Variants in ADCK5 observed in about 807,000 individuals in gnomAD.
ADCK5 encodes the protein aarF domain containing kinase 5.
In ADCK5, 43 loss-of-function variants were observed where a neutral mutation model predicts 64.9. The observed-to-expected ratio is 0.66, with a 90% CI of 0.52 to 0.85. The LOEUF is 0.85. ADCK5 is among the 40% of genes least tolerant of loss of function. The pLI is 0.00. For synonymous variants in ADCK5, 434 were observed against 342.8 expected (o/e 1.27, Z -2.94); for missense variants, 760 against 810.5 (o/e 0.94, Z 0.76).
Position 144,391,623 on chromosome 8 carries a change from AG to A in ADCK5, c.845del (p.Gly282AlafsTer58). On this transcript the variant is annotated frameshift_variant, in exon 8 of 15. Transcript: ENST00000308860. LOFTEE classifies it high-confidence loss of function. ...GCCCAGGAGCTGGACTTCGAGAATG[AG>A]GGCCGCAACGCAGAGCGCTGTGCGC... ...TLAQELDFEN[E>X]GRNAERCARE... is the part of the protein sequence containing the mutation. 6.4e-7 allele frequency: 1 copy of A among 1,566,068 alleles called. No individual in the cohort carries two copies. The highest frequency in any genetic ancestry group is 8.6e-7 in the Non-Finnish European group (1 of 1,160,584).
chr8:144,391,760 G>C, intron 8 of ADCK5, 23 bp from the exon 9 acceptor site: 1 of 1,540,416 alleles, frequency 6.5e-7, no homozygotes, highest in Non-Finnish European at 8.7e-7. Flanking sequence ...GGCCTGCTGA[G>C]CCCAGCCTCT....
At chr8:144,386,650 G>A (rs549468092) in intron 3 of ADCK5, among the ~76,000 whole-genome samples, 22 of 152,312 alleles carry the variant, frequency 1.4e-4, no homozygotes, top group African/African-American at 4.1e-4. Flanking sequence ...GAGCCACCAC[G>A]CAGGCCATGC....
In ADCK5 at chr8:144,384,761, G is replaced by A. The variant is rs1397447233; in HGVS notation, c.266+1531G>A. Among the ~76,000 whole-genome samples, 2 of 152,194 alleles carry A rather than the reference G, an allele frequency of 1.3e-5. No homozygotes were observed. Among genetic ancestry groups the A allele is most frequent in the Non-Finnish European group, 2.9e-5 (2 of 68,040 alleles). On this transcript the variant is annotated intron_variant, in intron 3 of 14. Coordinates refer to ENST00000308860, the MANE Select transcript of ADCK5 (RefSeq NM_174922.5). The surrounding 1 kb of genome is among the most constrained non-coding windows in gnomAD (Gnocchi z 5.7). Reference sequence around the variant, plus strand: ...TCTGGTGTCCACCTCCTCGGCCACCGGCTTGGTGAGCCTGCGTTTTGGGCT... The same window carrying A: ...TCTGGTGTCCACCTCCTCGGCCACCAGCTTGGTGAGCCTGCGTTTTGGGCT...
chr8:144,382,438 C>T (rs1819718100), intron 2 of ADCK5, among the ~76,000 whole-genome samples: 1 of 152,204 alleles, frequency 6.6e-6, no homozygotes, highest in South Asian at 2.1e-4. Context: ...CTGTATTTGG[C>T]AAGTATTGGA....
intron 1 of ADCK5, among the ~76,000 whole-genome samples, chr8:144,379,126 T>C (rs1388625580): frequency 2.0e-5 from 3 of 151,636 alleles, no homozygotes; most frequent in African/African-American, 7.3e-5. Flanking sequence ...AGAGACGGGG[T>C]TTCACCATGT....
chr8:144,383,092 C>T lies in ADCK5; in HGVS notation c.128C>T (p.Pro43Leu), dbSNP rs1819750964. The T allele has an allele frequency of 1.9e-6, 3 of 1,588,118 alleles. No individual in the cohort carries two copies. Among genetic ancestry groups the T allele is most frequent in the Non-Finnish European group, 2.6e-6 (3 of 1,167,432 alleles). ...VRGLPPRFSS[P>L]TPLWRKVLST... is the part of the protein sequence containing the mutation. ...TTGTCTCTCCTCAGGTTCTCCAGCC[C>T]CACACCCCTGTGGAGGAAGGTGCTC... Residue 43 changes from proline (P) to leucine (L), a missense_variant, in exon 3 of 15, where the codon CCC (proline) becomes CTC (leucine). Physicochemically the swap from Pro to Leu is moderately conservative, Grantham distance 98. Coordinates refer to ENST00000308860, the MANE Select transcript of ADCK5 (RefSeq NM_174922.5).
At chr8:144,392,199 G>T in intron 11 of ADCK5, 29 bp downstream of exon 11, 1 of 1,547,918 alleles carries the variant, frequency 6.5e-7, no homozygotes, top group Non-Finnish European at 8.7e-7. Context: ...GCGTGGGGCA[G>T]GGCAAGCCTC....
At chr8:144,373,376 G>A (rs1819231364), upstream of ADCK5, 1 of 152,682 alleles carries the variant, frequency 6.5e-6, no homozygotes, top group Non-Finnish European at 1.5e-5. Context: ...TGGCTGCATG[G>A]CATGCCCGGG....
intron 1 of ADCK5, chr8:144,375,451 G>C: frequency 1.0e-6 from 1 of 985,392 alleles, no homozygotes; most frequent in Non-Finnish European, 1.2e-6. Flanking sequence ...CTGGTCATCC[G>C]TTCATGGTTT....
At position 144,376,212 on chromosome 8, in the gene ADCK5, A is replaced by G. The variant is rs569036770; in HGVS notation, c.12+2105A>G. Among the ~76,000 whole-genome samples, 4 of 152,292 alleles carry G rather than the reference A, an allele frequency of 2.6e-5. No homozygotes were observed. The highest frequency in any genetic ancestry group is 7.2e-5 in the African/African-American group (3 of 41,572). On this transcript the variant is annotated intron_variant, in intron 1 of 14. Transcript: ENST00000308860. This position sits in a 1 kb window ranked among gnomAD's most constrained non-coding sequence, Gnocchi z 5.1. The stretch of plus-strand genomic sequence containing the variant: ...GCTTGGCAGGGCCATGTGGGGTTCA[A>G]TTGAGTCCTGTGCTTCACAGCTGTT...
intron 2 of ADCK5, among the ~76,000 whole-genome samples, chr8:144,380,270 C>T (rs78861717): frequency 1.0e-4 from 14 of 133,750 alleles, no homozygotes; most frequent in South Asian, 7.5e-4. Context: ...AGGCACCTCC[C>T]GCAGTCAGAA....
At position 144,378,692 on chromosome 8, in the gene ADCK5, C is replaced by T. The variant is rs574390135; in HGVS notation, c.13-695C>T. ...GTCAGGAGTTCTAGACCAGCCTGGC[C>T]AACATGGTGAAACTCCGTCTCTACT... On this transcript the variant is annotated intron_variant, in intron 1 of 14. Transcript: ENST00000308860. 2.6e-5 allele frequency among the ~76,000 whole-genome samples: 4 copies of T among 152,078 alleles called. No individual in the cohort carries two copies. The South Asian group carries it at 8.3e-4, about 32-fold the overall frequency.
At chr8:144,373,883 G>A (rs1819253182), upstream of ADCK5, 1 of 428,608 alleles carries the variant, frequency 2.3e-6, no homozygotes, top group Non-Finnish European at 3.8e-6. Flanking sequence ...CGCGGTCCGG[G>A]CGCCAAAAGG....
In ADCK5 at chr8:144,392,190, C is replaced by T. The variant is rs782259124; in HGVS notation, c.1175+20C>T. On this transcript the variant is annotated intron_variant, in intron 11 of 14. Transcript: ENST00000308860. ...GGAGAAGTGAGCGCGGGTGGGTGGG[C>T]GTGGGGCAGGGCAAGCCTCTCCTGC... The T allele has an allele frequency of 2.1e-5, 7 of 332,474 alleles. No individual in the cohort carries two copies. Among genetic ancestry groups the T allele is most frequent in the African/African-American group, 2.7e-5 (1 of 36,972 alleles). 20.6% of individuals were successfully genotyped at this position (332,474 alleles called of 1,614,324 possible). A position where few individuals can be genotyped will look rare whatever the true frequency, so the allele number is the denominator to read the frequency against.
chr8:144,393,170 C>A lies in ADCK5; in HGVS notation c.*96C>A. The A allele has an allele frequency of 7.4e-7, 1 of 1,359,986 alleles. No homozygotes were observed. The highest frequency in any genetic ancestry group is 9.8e-7 in the Non-Finnish European group (1 of 1,020,566). 84.2% of individuals were successfully genotyped at this position (1,359,986 alleles called of 1,614,324 possible). A position where few individuals can be genotyped will look rare whatever the true frequency, so the allele number is the denominator to read the frequency against. ...AGACACCCCGAGCCCCGTGGGCACT[C>A]GCACTGGGGGGCTGTGACAGCAGCT... is the stretch of plus-strand genomic sequence containing the variant. On this transcript the variant is annotated 3_prime_UTR_variant, in exon 15 of 15. Transcript: ENST00000308860.
chr8:144,389,851 C>T (rs561005211), intron 3 of ADCK5, among the ~76,000 whole-genome samples: 10 of 146,242 alleles, frequency 6.8e-5, no homozygotes, highest in African/African-American at 2.5e-4. Context: ...TTTTTGAAAC[C>T]GAGTTTCGCT....
chr8:144,388,553 G>C (rs551321667), intron 3 of ADCK5, among the ~76,000 whole-genome samples: 24 of 151,458 alleles, frequency 1.6e-4, no homozygotes, highest in African/African-American at 4.9e-4. Context: ...TCACGAGGTC[G>C]GGAGATCGAG....
chr8:144,383,346 C>T, intron 3 of ADCK5, 116 bp downstream of exon 3: 2 of 1,372,580 alleles, frequency 1.5e-6, no homozygotes, highest in Non-Finnish European at 1.9e-6. Context: ...GGGAGGCCTG[C>T]AGAGCTTGCT....
At chr8:144,381,372 G>A (rs1372422637) in intron 2 of ADCK5, among the ~76,000 whole-genome samples, 1 of 148,038 alleles carries the variant, frequency 6.8e-6, no homozygotes, top group Non-Finnish European at 1.5e-5. Flanking sequence ...TATGGGCCGG[G>A]TGTAGAAACA....
Sources: allele counts gnomAD v4.1 joint callset (sites outside exome capture counted in the v4.1 genomes callset), GRCh38; gene constraint gnomAD v4.1.1; non-coding constraint Gnocchi (gnomAD v3.1); transcripts MANE v1.5; gene names NCBI Gene and HGNC (gene_info 2026-07-23, HGNC 2026-07-21).